Variants in DDX42 observed in about 807,000 individuals in gnomAD.
DDX42 encodes the protein ATP-dependent RNA helicase DDX42.
DDX42 carries 22 observed loss-of-function variants against 101.5 expected under a neutral mutation model. The observed-to-expected ratio is 0.22, with a 90% CI of 0.15 to 0.31. The LOEUF (loss-of-function observed/expected upper bound fraction) is 0.31, where lower values mean the gene tolerates loss of function less well. Ranked by LOEUF, DDX42 falls within the 10% of genes least tolerant of loss-of-function variation. The pLI is 1.00. For missense variants in DDX42, 849 were observed against 1,199.9 expected (o/e 0.71, Z 4.32); for synonymous variants, 402 against 401.2 (o/e 1.00, Z -0.02).
intron 1 of DDX42, among the ~76,000 whole-genome samples, chr17:63,780,805 A>G (rs1268906668): frequency 6.6e-6 from 1 of 152,174 alleles, no homozygotes; most frequent in Non-Finnish European, 1.5e-5. Context: ...ATTATTTAAT[A>G]GGGCTGATTC....
At chr17:63,802,232 A>C (rs1388136337) in intron 6 of DDX42, among the ~76,000 whole-genome samples, 1 of 152,232 alleles carries the variant, frequency 6.6e-6, no homozygotes, top group East Asian at 1.9e-4. Context: ...TGAACAGTAA[A>C]AATTATTAAA....
chr17:63,792,217 T>G (rs1482975229), intron 2 of DDX42, among the ~76,000 whole-genome samples, 195 bp from the exon 3 acceptor site: 1 of 152,162 alleles, frequency 6.6e-6, no homozygotes, highest in Non-Finnish European at 1.5e-5. Flanking sequence ...ATTACTTTTT[T>G]GTAATATTGA....
In DDX42 at chr17:63,805,181, C is replaced by T. The variant is rs2039823550; in HGVS notation, c.726+6C>T. ...GGCATAAGCTCAATCTTCGGGTAAG[C>T]ATCATTAAGCTCAATATTCTTAATA... On this transcript the variant is annotated splice_donor_region_variant and intron_variant, in intron 7 of 17. Transcript: ENST00000389924. 1.2e-6 allele frequency: 2 copies of T among 1,610,634 alleles called. No individual in the cohort carries two copies. The highest frequency in any genetic ancestry group is 2.7e-5 in the African/African-American group (2 of 74,864).
At chr17:63,794,448 T>G (rs1324653315) in intron 3 of DDX42, among the ~76,000 whole-genome samples, 1 of 151,302 alleles carries the variant, frequency 6.6e-6, no homozygotes, top group South Asian at 2.1e-4. Flanking sequence ...AGGCTGAGGT[T>G]GTAGTGAGCC....
chr17:63,796,122 T>C (rs1461676559), intron 3 of DDX42, among the ~76,000 whole-genome samples: 1 of 152,180 alleles, frequency 6.6e-6, no homozygotes, highest in Non-Finnish European at 1.5e-5. Context: ...ATACGAACAT[T>C]TCCTAATGGG....
intron 3 of DDX42, among the ~76,000 whole-genome samples, chr17:63,795,392 C>T (rs538122553): frequency 2.0e-5 from 3 of 152,320 alleles, no homozygotes; most frequent in Non-Finnish European, 4.4e-5. Flanking sequence ...TCGCCCAAGC[C>T]AGAGTGCAGT....
chr17:63,798,045 C>T lies in DDX42; in HGVS notation c.380C>T (p.Ala127Val). The change falls in exon 4 of 18, where the codon GCA becomes GTA. Residue 127 changes from alanine to valine, a missense_variant. Physicochemically the swap from Ala to Val is moderately conservative, Grantham distance 64 (BLOSUM62 0). Transcript: ENST00000389924. ...EAFMAEVEDQ[A>V]ARDMKRLEEK... ...AGCCTTTTGTTTCATTAGGATCAGG[C>T]AGCTAGAGACATGAAGAGGCTTGAA... 6.2e-7 allele frequency: 1 copy of T among 1,611,936 alleles called. No individual in the cohort carries two copies. The highest frequency in any genetic ancestry group is 8.5e-7 in the Non-Finnish European group (1 of 1,179,022).
intron 1 of DDX42, among the ~76,000 whole-genome samples, chr17:63,778,767 A>C (rs574558011): frequency 1.3e-5 from 2 of 152,108 alleles, no homozygotes; most frequent in South Asian, 2.1e-4. Flanking sequence ...CAGCCTCCTA[A>C]GTAGCTGGAA....
At chr17:63,774,932 T>C (rs978020763) in intron 1 of DDX42, among the ~76,000 whole-genome samples, 10 of 152,172 alleles carry the variant, frequency 6.6e-5, no homozygotes, top group African/African-American at 2.2e-4. Context: ...ATTGCAAACA[T>C]ATGCATCAAA....
chr17:63,776,203 A>G (rs574300025), intron 1 of DDX42: 1 of 152,376 alleles, frequency 6.6e-6, no homozygotes, highest in Non-Finnish European at 1.5e-5. Context: ...TTTAGATCAT[A>G]TCTTATTTTC....
intron 2 of DDX42, among the ~76,000 whole-genome samples, chr17:63,790,113 C>T (rs1225193399): frequency 6.6e-6 from 1 of 152,058 alleles, no homozygotes; most frequent in Non-Finnish European, 1.5e-5. Flanking sequence ...CATCACTGCA[C>T]ATCAGCCTGT....
At position 63,813,241 on chromosome 17, in the gene DDX42, C is replaced by T. The variant is rs1473731000; in HGVS notation, c.1689C>T (p.Asp563=). The change falls in exon 15 of 18, where the codon GAC becomes GAT. Residue 563 remains aspartate (D), a synonymous_variant. Coordinates refer to ENST00000389924, the MANE Select transcript of DDX42 (RefSeq NM_203499.3). ...VATDVAARGL[D]IPSIKTVINY... Reference sequence around the variant, plus strand: ...TTTTTATTTCAGCCCGTGGTCTGGACATTCCTTCAATTAAGACTGTCATTA... The same window carrying T: ...TTTTTATTTCAGCCCGTGGTCTGGATATTCCTTCAATTAAGACTGTCATTA... 3.1e-6 allele frequency: 5 copies of T among 1,606,336 alleles called. No individual in the cohort carries two copies. The South Asian group carries it at 4.4e-5, about 14-fold the overall frequency.
At position 63,788,310 on chromosome 17, in the gene DDX42, CTT is replaced by C. The variant is rs370584285; in HGVS notation, c.221+1057_221+1058del. Among the ~76,000 whole-genome samples the C allele has an allele frequency of 1.1e-3, 133 of 121,398 alleles. 1 individual carries two copies. The highest frequency in any genetic ancestry group is 2.0e-3 in the South Asian group (7 of 3,530). The allele number at this position is 121,398 out of a possible 152,430, so 79.6% of individuals were successfully genotyped here. ...TACAAGTTTGCTTCAACATCTGAGT[CTT>C]TTTTTTTTTTTTTTTTGAGATGGAG... On this transcript the variant is annotated intron_variant, in intron 2 of 17. Coordinates refer to ENST00000389924, the MANE Select transcript of DDX42 (RefSeq NM_203499.3).
intron 15 of DDX42, among the ~76,000 whole-genome samples, chr17:63,813,819 A>G (rs1254578626): frequency 6.6e-6 from 1 of 151,912 alleles, no homozygotes; most frequent in Non-Finnish European, 1.5e-5. Flanking sequence ...CTTTAAAACA[A>G]TATGTGTATA....
intron 2 of DDX42, among the ~76,000 whole-genome samples, chr17:63,787,594 T>G (rs2039562171): frequency 6.6e-6 from 1 of 152,082 alleles, no homozygotes; most frequent in Admixed American, 6.6e-5. Flanking sequence ...ATCCCAGCAC[T>G]CTGGGAGGCC....
chr17:63,790,016 T>G (rs908741637), intron 2 of DDX42, among the ~76,000 whole-genome samples: 4 of 152,144 alleles, frequency 2.6e-5, no homozygotes, highest in Non-Finnish European at 4.4e-5. Context: ...ACTTTTTCAT[T>G]AGTTAAATAG....
At chr17:63,787,005 T>C (rs1220551102) in intron 1 of DDX42, 29 bp from the exon 2 acceptor site, 1 of 1,607,808 alleles carries the variant, frequency 6.2e-7, no homozygotes, top group South Asian at 1.1e-5. Context: ...TTAAGTTTAA[T>C]TTATATTTGT....
intron 1 of DDX42, among the ~76,000 whole-genome samples, chr17:63,781,348 G>T (rs2039485720): frequency 6.6e-6 from 1 of 152,092 alleles, no homozygotes; most frequent in East Asian, 1.9e-4. Context: ...CTCCTGAGTA[G>T]CCGGAACTAC....
intron 7 of DDX42, 42 bp from the exon 8 acceptor site, chr17:63,806,493 G>A (rs534482561): frequency 6.3e-7 from 1 of 1,576,172 alleles, no homozygotes; most frequent in South Asian, 1.2e-5. Context: ...TGCTGTTAAT[G>A]TTGAAGTACA....
Sources: allele counts gnomAD v4.1 joint callset (sites outside exome capture counted in the v4.1 genomes callset), GRCh38; gene constraint gnomAD v4.1.1; transcripts MANE v1.5; gene names NCBI Gene and HGNC (gene_info 2026-07-23, HGNC 2026-07-21).